The following GABRA3 variants were observed in gnomAD, a reference collection of about 807,000 sequenced individuals.
GABRA3 encodes the protein gamma-aminobutyric acid receptor subunit alpha-3.
GABRA3 carries 10 observed loss-of-function variants against 30.1 expected under a neutral mutation model. The observed-to-expected ratio is 0.33, with a 90% confidence interval of 0.20 to 0.56. GABRA3 has a LOEUF of 0.56. Among genes scored for constraint, GABRA3 ranks in the 20% least tolerant of loss-of-function variants. The pLI, the probability that GABRA3 is intolerant of heterozygous loss-of-function variation, is 0.89. For missense variants in GABRA3, 233 were observed against 392.0 expected (o/e 0.59, Z 3.42); for synonymous variants, 151 against 146.8 (o/e 1.03, Z -0.21).
chrX:152,375,386 T>C (rs990119185), intron 1 of GABRA3, among the ~76,000 whole-genome samples: 4 of 112,308 alleles, frequency 3.6e-5, no homozygotes, highest in South Asian at 3.7e-4. Flanking sequence ...TTATGCATAA[T>C]TGCTCCTATA....
At chrX:152,383,755 G>A (rs373786259) in intron 1 of GABRA3, among the ~76,000 whole-genome samples, 1 of 107,817 alleles carries the variant, frequency 9.3e-6, no homozygotes, top group East Asian at 2.9e-4. Flanking sequence ...CATCATTCTC[G>A]ACAGCGAAAA....
chrX:152,295,499 G>A (rs1361319600), intron 3 of GABRA3, among the ~76,000 whole-genome samples: 1 of 113,149 alleles, frequency 8.8e-6, no homozygotes, highest in Non-Finnish European at 1.9e-5. Flanking sequence ...GGGATCTGCT[G>A]AGCCAGGCAT....
chrX:152,304,018 A>G (rs1939681680), intron 3 of GABRA3, among the ~76,000 whole-genome samples: 1 of 112,288 alleles, frequency 8.9e-6, no homozygotes, highest in Non-Finnish European at 1.9e-5. Context: ...GTGAGATGGT[A>G]TCTTATTGTG....
rs762286133 is a variant in GABRA3, at chrX:152,410,655, TAAAC to T, written c.-27+40487_-27+40490del. Among the ~76,000 whole-genome samples, 566 of 111,262 alleles carry T rather than the reference TAAAC, an allele frequency of 5.1e-3. 3 individuals are homozygous for T. Among genetic ancestry groups the T allele is most frequent in the African/African-American group, 0.017 (514 of 30,751 alleles). On this transcript the variant is annotated intron_variant, in intron 1 of 9. Transcript: ENST00000370314. ...AAATAAATTGTTTATAAAAAATCAT[TAAAC>T]AAACAAACTCACAAAAAAGCAATAG...
intron 1 of GABRA3, among the ~76,000 whole-genome samples, chrX:152,420,542 T>G (rs1050828230): frequency 3.6e-5 from 4 of 111,084 alleles, no homozygotes; most frequent in African/African-American, 1.3e-4. Flanking sequence ...TGGACAGATA[T>G]ATCATGTTCC....
chrX:152,339,580 G>C (rs987134595), intron 3 of GABRA3, among the ~76,000 whole-genome samples: 2 of 111,805 alleles, frequency 1.8e-5, no homozygotes, highest in African/African-American at 6.5e-5. Context: ...AAATGTTGCA[G>C]TACACTTGAA....
chrX:152,257,224 T>C (rs1938651510), intron 4 of GABRA3, among the ~76,000 whole-genome samples: 1 of 112,004 alleles, frequency 8.9e-6, no homozygotes, highest in African/African-American at 3.2e-5. Context: ...TCTGAAAAAG[T>C]ATTAGCTTAT....
intron 9 of GABRA3, among the ~76,000 whole-genome samples, chrX:152,182,336 C>G (rs1452172959): frequency 1.0e-5 from 1 of 98,139 alleles, no homozygotes; most frequent in Non-Finnish European, 2.0e-5. Context: ...CACACACACA[C>G]AGTGTATGTA....
intron 1 of GABRA3, among the ~76,000 whole-genome samples, chrX:152,368,980 C>G (rs1337934159): frequency 1.8e-5 from 2 of 111,630 alleles, no homozygotes; most frequent in East Asian, 2.8e-4. Context: ...GCTGGGATTA[C>G]AGGCGTAAGC....
Position 152,363,817 on chromosome X carries a change from TG to T in GABRA3, c.140+613del, listed in dbSNP as rs777370801. 3.6e-5 allele frequency among the ~76,000 whole-genome samples: 4 copies of T among 112,170 alleles called. No homozygotes were observed. In the South Asian group the frequency reaches 1.5e-3, roughly 42 times the overall value. ...CATGTATTTTTATTTCATAATAAAATGAAGTCAAGGATGGAGAAGTCAACAA... is the reference window on the plus strand; with the variant it reads ...CATGTATTTTTATTTCATAATAAAATAAGTCAAGGATGGAGAAGTCAACAA... On this transcript the variant is annotated intron_variant, in intron 2 of 9. Transcript: ENST00000370314.
chrX:152,373,951 A>G lies in GABRA3; in HGVS notation c.-26-9355T>C, dbSNP rs181597366. On this transcript the variant is annotated intron_variant, in intron 1 of 9. Coordinates refer to ENST00000370314, the MANE Select transcript of GABRA3 (RefSeq NM_000808.4). ...CTTTATCCATGTCACTACAAAGGACATGAACTCATCCTTTTTTATGGCTGC... is the reference window on the plus strand; with the variant it reads ...CTTTATCCATGTCACTACAAAGGACGTGAACTCATCCTTTTTTATGGCTGC... Among the ~76,000 whole-genome samples, 551 of 111,485 alleles carry G rather than the reference A, an allele frequency of 4.9e-3. 1 individual carries two copies. Among genetic ancestry groups the G allele is most frequent in the African/African-American group, 0.017 (534 of 30,594 alleles).
At chrX:152,412,151 C>T (rs997242935) in intron 1 of GABRA3, among the ~76,000 whole-genome samples, 1 of 111,132 alleles carries the variant, frequency 9.0e-6, no homozygotes, top group Non-Finnish European at 1.9e-5. Context: ...AAGATGGTGA[C>T]ATTAAAAAAA....
At chrX:152,360,315 C>T (rs1405157272) in intron 2 of GABRA3, among the ~76,000 whole-genome samples, 3 of 67,825 alleles carry the variant, frequency 4.4e-5, no homozygotes, top group Non-Finnish European at 8.1e-5. Flanking sequence ...TCTCCACATC[C>T]TCTCCAGCAC....
At chrX:152,296,573 A>C (rs2124449546) in intron 3 of GABRA3, among the ~76,000 whole-genome samples, 1 of 111,875 alleles carries the variant, frequency 8.9e-6, no homozygotes, top group African/African-American at 3.2e-5. Context: ...GTTTGGGCAA[A>C]CCTGACAACT....
intron 3 of GABRA3, among the ~76,000 whole-genome samples, chrX:152,326,617 G>A (rs185952175): frequency 9.0e-6 from 1 of 111,407 alleles, no homozygotes; most frequent in African/African-American, 3.3e-5. Context: ...CTTTATAGCT[G>A]AAGGAGAAAT....
intron 7 of GABRA3, among the ~76,000 whole-genome samples, chrX:152,198,653 T>C (rs892493258): frequency 8.9e-6 from 1 of 112,022 alleles, no homozygotes; most frequent in African/African-American, 3.3e-5. Context: ...CTCTCCTACT[T>C]CACAGACCAT....
intron 1 of GABRA3, among the ~76,000 whole-genome samples, chrX:152,425,769 C>G (rs1930501383): frequency 9.1e-6 from 1 of 110,178 alleles, no homozygotes. Context: ...CTGTCCTTAT[C>G]TGCTTATCTA....
chrX:152,403,890 A>G (rs1482315719), intron 1 of GABRA3, among the ~76,000 whole-genome samples: 5 of 111,447 alleles, frequency 4.5e-5, no homozygotes, highest in African/African-American at 6.5e-5. Context: ...GATCCGGGAG[A>G]AAGCAGAAGA....
At chrX:152,325,998 G>T (rs1262082973) in intron 3 of GABRA3, among the ~76,000 whole-genome samples, 1 of 111,087 alleles carries the variant, frequency 9.0e-6, no homozygotes, top group East Asian at 2.8e-4. Flanking sequence ...ACAGTGTAGA[G>T]AAGACCTTTA....
Sources: allele counts gnomAD v4.1 joint callset (sites outside exome capture counted in the v4.1 genomes callset), GRCh38; gene constraint gnomAD v4.1.1; transcripts MANE v1.5; gene names NCBI Gene and HGNC (gene_info 2026-07-23, HGNC 2026-07-21).